Variants in PLCL2 observed in about 807,000 individuals in gnomAD.
PLCL2 encodes phospholipase C like 2, also known as inactive phospholipase C-like protein 2.
A neutral mutation model predicts 79.6 loss-of-function variants in PLCL2; 4 were observed. The ratio of observed to expected loss-of-function variants is 0.05; its 90% CI spans 0.02 to 0.11. The LOEUF (loss-of-function observed/expected upper bound fraction) is 0.11, where lower values mean the gene tolerates loss of function less well. Ranked by LOEUF, PLCL2 falls within the 10% of genes least tolerant of loss-of-function variation. The probability of loss-of-function intolerance (pLI) is 1.00; values close to 1 mark genes in which losing one functional copy is unlikely to be tolerated. For synonymous variants in PLCL2, 484 were observed against 457.7 expected (o/e 1.06, Z -0.73); for missense variants, 895 against 1,291.0 (o/e 0.69, Z 4.70).
chr3:17,030,843 T>G (rs2064573300), intron 3 of PLCL2, among the ~76,000 whole-genome samples: 1 of 152,220 alleles, frequency 6.6e-6, no homozygotes. Flanking sequence ...TACTTTACAG[T>G]AAGACTATGA....
At chr3:17,031,200 C>G (rs1274459881) in intron 3 of PLCL2, among the ~76,000 whole-genome samples, 1 of 152,154 alleles carries the variant, frequency 6.6e-6, no homozygotes, top group African/African-American at 2.4e-5. Flanking sequence ...AGACACTACC[C>G]TCCATTCAGG....
intron 1 of PLCL2, among the ~76,000 whole-genome samples, chr3:16,983,613 T>G (rs2064021230): frequency 6.6e-6 from 1 of 152,128 alleles, no homozygotes; most frequent in Non-Finnish European, 1.5e-5. Context: ...GAGGTTGCAG[T>G]GAGTCGAGAA....
rs760462116 is a variant in PLCL2 at position 16,886,077 on chromosome 3, G to A, written c.327+711G>A. 2.0e-5 allele frequency among the ~76,000 whole-genome samples: 3 copies of A among 152,174 alleles called. No homozygotes were observed. The highest frequency in any genetic ancestry group is 6.5e-5 in the Admixed American group (1 of 15,272). On this transcript the variant is annotated intron_variant, in intron 1 of 5. Coordinates refer to ENST00000615277, the MANE Select transcript of PLCL2 (RefSeq NM_001144382.2). The surrounding 1 kb of genome is among the most constrained non-coding windows in gnomAD (Gnocchi z 4.2). ...TTGGTTTTGCTTGCACAGTGTTAGC[G>A]GAAGAAAGCCAGCGATTGTTTTGAG...
At position 17,007,380 on chromosome 3, in the gene PLCL2, T is replaced by G. The variant is rs2064272802; in HGVS notation, c.328-2294T>G. On this transcript the variant is annotated intron_variant, in intron 1 of 5. Coordinates refer to ENST00000615277, the MANE Select transcript of PLCL2 (RefSeq NM_001144382.2). ...TGCATGGCTGATTACAAAACTAATT[T>G]CATGCTAACTCACTCAAATTGATGT... Among the ~76,000 whole-genome samples, 3 of 152,356 alleles carry G rather than the reference T, an allele frequency of 2.0e-5. No homozygotes were observed. The South Asian group carries it at 6.2e-4, about 32-fold the overall frequency.
At chr3:16,918,448 A>G (rs758418084) in intron 1 of PLCL2, among the ~76,000 whole-genome samples, 10 of 152,198 alleles carry the variant, frequency 6.6e-5, no homozygotes, top group Non-Finnish European at 1.3e-4. Flanking sequence ...ATGAAAATGC[A>G]ATTAATTTCA....
At chr3:16,935,490 C>G (rs973561519) in intron 1 of PLCL2, among the ~76,000 whole-genome samples, 1 of 152,068 alleles carries the variant, frequency 6.6e-6, no homozygotes, top group African/African-American at 2.4e-5. Flanking sequence ...TATAAATATT[C>G]ACATTTATTT....
At chr3:17,003,237 T>C (rs1488158906) in intron 1 of PLCL2, among the ~76,000 whole-genome samples, 3 of 152,222 alleles carry the variant, frequency 2.0e-5, no homozygotes, top group Admixed American at 1.3e-4. Context: ...AAGTAAATGA[T>C]GTGCTCAGAA....
At chr3:16,973,852 A>T (rs879364627) in intron 1 of PLCL2, among the ~76,000 whole-genome samples, 1 of 152,242 alleles carries the variant, frequency 6.6e-6, no homozygotes. Flanking sequence ...GACATTCATT[A>T]TATAATGAGA....
chr3:16,957,431 G>A (rs554678885), intron 1 of PLCL2, among the ~76,000 whole-genome samples: 1 of 152,140 alleles, frequency 6.6e-6, no homozygotes, highest in Admixed American at 6.5e-5. Context: ...CATTTGCTGA[G>A]GAGTGCTTTA....
chr3:16,996,615 G>A (rs1254461194), intron 1 of PLCL2, among the ~76,000 whole-genome samples: 3 of 151,984 alleles, frequency 2.0e-5, no homozygotes, highest in South Asian at 4.2e-4. Context: ...GGTGAATTTG[G>A]TTTTACAGGA....
At chr3:16,992,561 A>G (rs1313320338) in intron 1 of PLCL2, among the ~76,000 whole-genome samples, 1 of 152,186 alleles carries the variant, frequency 6.6e-6, no homozygotes, top group Non-Finnish European at 1.5e-5. Context: ...GGAGAATCTG[A>G]ATTACAGCAT....
chr3:16,892,388 A>G (rs372746964), intron 1 of PLCL2, among the ~76,000 whole-genome samples: 72 of 152,170 alleles, frequency 4.7e-4, no homozygotes, highest in African/African-American at 1.7e-3. Context: ...TCTGCTGTCA[A>G]AGTTTAAAAA....
chr3:17,021,120 T>C (rs2064446722), intron 3 of PLCL2, among the ~76,000 whole-genome samples: 1 of 152,042 alleles, frequency 6.6e-6, no homozygotes, highest in South Asian at 2.1e-4. Flanking sequence ...AAAGACCAGA[T>C]GGAATATTGT....
At chr3:16,971,256 G>C (rs1326493420) in intron 1 of PLCL2, among the ~76,000 whole-genome samples, 4 of 151,948 alleles carry the variant, frequency 2.6e-5, no homozygotes, top group Admixed American at 6.6e-5. Flanking sequence ...GTAAGGAAGG[G>C]ATCCAGTTTC....
At chr3:17,087,391 G>A (rs548264069) in intron 5 of PLCL2, among the ~76,000 whole-genome samples, 1 of 152,188 alleles carries the variant, frequency 6.6e-6, no homozygotes, top group Non-Finnish European at 1.5e-5. Flanking sequence ...ATTACTAAGC[G>A]AAAGAAGCCA....
At chr3:17,067,409 T>C (rs2065021093) in intron 4 of PLCL2, among the ~76,000 whole-genome samples, 1 of 152,236 alleles carries the variant, frequency 6.6e-6, no homozygotes, top group African/African-American at 2.4e-5. Context: ...ATTATTTATT[T>C]ATTATATAAA....
intron 1 of PLCL2, among the ~76,000 whole-genome samples, chr3:16,955,030 A>T (rs1458707097): frequency 1.1e-4 from 17 of 152,154 alleles, no homozygotes; most frequent in Non-Finnish European, 2.2e-4. Context: ...CTTTAGTTTA[A>T]TTAGATCCCA....
At position 17,090,197 on chromosome 3, in the gene PLCL2, G is replaced by A; in HGVS notation, c.*285G>A. 9.3e-7 allele frequency: 1 copy of A among 1,069,716 alleles called. No homozygotes were observed. The highest frequency in any genetic ancestry group is 1.1e-6 in the Non-Finnish European group (1 of 882,978). 66.3% of individuals were successfully genotyped at this position (1,069,716 alleles called of 1,614,324 possible). ...GTATGAAGAAAGATTATTCACTCTA[G>A]CTCCACTGAGAAACATTTTCCTAAG... On this transcript the variant is annotated 3_prime_UTR_variant, in exon 6 of 6. Coordinates refer to ENST00000615277, the MANE Select transcript of PLCL2 (RefSeq NM_001144382.2).
intron 1 of PLCL2, among the ~76,000 whole-genome samples, chr3:16,909,685 A>G (rs1696830266): frequency 6.6e-6 from 1 of 152,266 alleles, no homozygotes; most frequent in South Asian, 2.1e-4. Flanking sequence ...TCTATAACTG[A>G]TATAATATTT....
Sources: allele counts gnomAD v4.1 joint callset (sites outside exome capture counted in the v4.1 genomes callset), GRCh38; gene constraint gnomAD v4.1.1; non-coding constraint Gnocchi (gnomAD v3.1); transcripts MANE v1.5; gene names NCBI Gene and HGNC (gene_info 2026-07-23, HGNC 2026-07-21).